The following PHACTR1 variants were observed in gnomAD, a reference collection of about 807,000 sequenced individuals.
PHACTR1 encodes the protein RPEL repeat containing 1.
PHACTR1 carries 16 observed loss-of-function variants against 69.2 expected under a neutral mutation model. The ratio of observed to expected loss-of-function variants is 0.23; its 90% CI spans 0.16 to 0.35. PHACTR1 has a LOEUF of 0.35. Ranked by LOEUF, PHACTR1 falls within the 10% of genes least tolerant of loss-of-function variation. The pLI is 1.00. For missense variants in PHACTR1, 510 were observed against 734.7 expected, an observed-to-expected ratio of 0.69 and a Z score of 3.54; for synonymous variants, 312 against 284.5, an observed-to-expected ratio of 1.10 and a Z score of -0.97.
chr6:12,868,070 C>T (rs371207732), intron 4 of PHACTR1, among the ~76,000 whole-genome samples: 58 of 152,052 alleles, frequency 3.8e-4, no homozygotes, highest in African/African-American at 1.3e-3. Flanking sequence ...CCATCCTGGC[C>T]AAATGGCGAA....
At chr6:12,757,607 T>A (rs1767485344) in intron 4 of PHACTR1, among the ~76,000 whole-genome samples, 1 of 152,076 alleles carries the variant, frequency 6.6e-6, no homozygotes, top group Admixed American at 6.6e-5. Flanking sequence ...GTGGTAAAGG[T>A]CCTTGTGTAT....
intron 4 of PHACTR1, among the ~76,000 whole-genome samples, chr6:12,929,164 G>C (rs116574127): frequency 0.026 from 3,902 of 152,206 alleles, 166 homozygotes; most frequent in African/African-American, 0.088. Context: ...ACAAAAGGAG[G>C]GACCCCTTGC....
chr6:13,087,866 C>T lies in PHACTR1; in HGVS notation c.415+34337C>T, dbSNP rs150711719. Among the ~76,000 whole-genome samples, 10 of 152,042 alleles carry T rather than the reference C, an allele frequency of 6.6e-5. No homozygotes were observed. In the East Asian group the frequency reaches 1.4e-3, roughly 21 times the overall value. ...TTCACCGTGCTGCCCGGGCTAATCT[C>T]GAAGTCCTGGGCTCAAGCAGTCCTC... On this transcript the variant is annotated intron_variant, in intron 5 of 14. Coordinates refer to ENST00000332995, the MANE Select transcript of PHACTR1 (RefSeq NM_030948.6).
intron 5 of PHACTR1, among the ~76,000 whole-genome samples, chr6:13,136,497 T>C (rs1821560633): frequency 6.6e-6 from 1 of 152,260 alleles, no homozygotes; most frequent in Non-Finnish European, 1.5e-5. Flanking sequence ...ATTTAGACTT[T>C]CTCCATATCA....
chr6:13,174,995 G>A (rs539018789), intron 6 of PHACTR1, among the ~76,000 whole-genome samples: 13 of 152,286 alleles, frequency 8.5e-5, no homozygotes, highest in Non-Finnish European at 1.8e-4. Flanking sequence ...GGACACCGAA[G>A]ATGCTCCAGA....
At chr6:12,863,000 T>C (rs1180843820) in intron 4 of PHACTR1, among the ~76,000 whole-genome samples, 1 of 152,210 alleles carries the variant, frequency 6.6e-6, no homozygotes, top group African/African-American at 2.4e-5. Context: ...ATTGAAACTC[T>C]CAGAACCATA....
intron 5 of PHACTR1, among the ~76,000 whole-genome samples, chr6:13,125,048 A>G (rs1819326438): frequency 6.6e-6 from 1 of 152,206 alleles, no homozygotes; most frequent in East Asian, 1.9e-4. Flanking sequence ...AAAGGGGCAT[A>G]GAGGCATGAA....
intron 4 of PHACTR1, among the ~76,000 whole-genome samples, chr6:12,778,243 A>G (rs1241969814): frequency 6.6e-6 from 1 of 152,268 alleles, no homozygotes; most frequent in Non-Finnish European, 1.5e-5. Context: ...AAACCATAAA[A>G]TCCAAACAAA....
chr6:12,846,970 T>C (rs1303318295), intron 4 of PHACTR1, among the ~76,000 whole-genome samples: 1 of 144,636 alleles, frequency 6.9e-6, no homozygotes, highest in Non-Finnish European at 1.5e-5. Context: ...CCACACACCC[T>C]GCTAATTTTT....
chr6:13,083,842 TG>T lies in PHACTR1; in HGVS notation c.415+30316del, dbSNP rs1457215017. ...GTTGCTTATCAGCTTAAGGAGATTT[TG>T]GGCTGAGATGATGGGGTTTTCTAAA... On this transcript the variant is annotated intron_variant, in intron 5 of 14. Transcript: ENST00000332995. Among the ~76,000 whole-genome samples, 6 of 152,274 alleles carry T rather than the reference TG, an allele frequency of 3.9e-5. No individual in the cohort carries two copies. In the South Asian group the frequency reaches 1.0e-3, roughly 26 times the overall value.
chr6:12,770,267 G>A (rs1230313356), intron 4 of PHACTR1, among the ~76,000 whole-genome samples: 1 of 152,162 alleles, frequency 6.6e-6, no homozygotes, highest in African/African-American at 2.4e-5. Flanking sequence ...CCTATGCCCA[G>A]ACCCTGTGTA....
intron 4 of PHACTR1, among the ~76,000 whole-genome samples, chr6:12,801,255 C>T (rs6917492): frequency 0.37 from 56,104 of 151,648 alleles, 11,096 homozygotes; most frequent in African/African-American, 0.5. Context: ...TAGAAGAACA[C>T]CATCTAACTT....
intron 4 of PHACTR1, among the ~76,000 whole-genome samples, chr6:12,915,152 C>CCACA (rs898661270): frequency 2.0e-5 from 3 of 151,688 alleles, no homozygotes; most frequent in African/African-American, 7.3e-5. Context: ...CTTTGGATGT[C>CCACA]CACACACACA....
intron 8 of PHACTR1, among the ~76,000 whole-genome samples, chr6:13,217,269 C>T (rs1299719450): frequency 6.6e-6 from 1 of 152,168 alleles, no homozygotes; most frequent in East Asian, 1.9e-4. Flanking sequence ...CTAGGTTTCT[C>T]CATTTAACTG....
chr6:12,812,157 G>A (rs930476280), intron 4 of PHACTR1, among the ~76,000 whole-genome samples: 23 of 152,086 alleles, frequency 1.5e-4, no homozygotes, highest in Non-Finnish European at 5.9e-5. Context: ...GTCACTGCCT[G>A]TTGTCCCTCA....
At chr6:13,077,646 T>TG (rs1810732984) in intron 5 of PHACTR1, among the ~76,000 whole-genome samples, 1 of 152,062 alleles carries the variant, frequency 6.6e-6, no homozygotes, top group Non-Finnish European at 1.5e-5. Context: ...GGAGGTGACA[T>TG]GATCACAGCT....
At chr6:12,953,099 G>T (rs561170777) in intron 4 of PHACTR1, among the ~76,000 whole-genome samples, 7 of 152,202 alleles carry the variant, frequency 4.6e-5, no homozygotes, top group Admixed American at 2.0e-4. Context: ...GAGGCATGTG[G>T]ATCACCTGAG....
In PHACTR1 at chr6:13,138,346, A is replaced by G. The variant is rs556058903; in HGVS notation, c.416-21858A>G. 1.7e-3 allele frequency among the ~76,000 whole-genome samples: 260 copies of G among 152,346 alleles called. 1 individual carries two copies. The highest frequency in any genetic ancestry group is 3.3e-3 in the Non-Finnish European group (223 of 68,030). ...TACATCTCAAAGGCCCAGAGAAAGGATTTACAATTGTAAGCTTTCTAAAGT... is the reference window on the plus strand; with the variant it reads ...TACATCTCAAAGGCCCAGAGAAAGGGTTTACAATTGTAAGCTTTCTAAAGT... On this transcript the variant is annotated intron_variant, in intron 5 of 14. Coordinates refer to ENST00000332995, the MANE Select transcript of PHACTR1 (RefSeq NM_030948.6).
intron 5 of PHACTR1, among the ~76,000 whole-genome samples, chr6:13,105,233 G>A (rs1295878962): frequency 1.3e-5 from 2 of 152,202 alleles, no homozygotes; most frequent in East Asian, 1.9e-4. Context: ...TTAAAAATTA[G>A]CCGAGCATGG....
Sources: gnomAD v4.1 joint callset for allele counts (sites outside exome capture counted in the v4.1 genomes callset) on GRCh38, gnomAD v4.1.1 for gene constraint, MANE v1.5 for transcripts, NCBI Gene and HGNC (gene_info 2026-07-23, HGNC 2026-07-21) for gene names.